Variants in HDAC9 observed in about 807,000 individuals in gnomAD.
HDAC9 encodes histone deacetylase 9.
A neutral mutation model predicts 139.4 loss-of-function variants in HDAC9; 41 were observed. The ratio of observed to expected loss-of-function variants is 0.29; its 90% CI spans 0.23 to 0.38. The LOEUF is 0.38. Among genes scored for constraint, HDAC9 ranks in the 10% least tolerant of loss-of-function variants. The pLI, the probability that HDAC9 is intolerant of heterozygous loss-of-function variation, is 1.00. For missense variants in HDAC9, 1,147 were observed against 1,297.0 expected (o/e 0.88, Z 1.78); for synonymous variants, 517 against 476.2 (o/e 1.09, Z -1.12).
chr7:18,106,216 A>C (rs1783192643), intron 1 of HDAC9, among the ~76,000 whole-genome samples: 1 of 152,202 alleles, frequency 6.6e-6, no homozygotes, highest in Non-Finnish European at 1.5e-5. Context: ...TAGGTATGTG[A>C]ATGATACCTC....
At chr7:18,914,111 G>A (rs570853456) in intron 22 of HDAC9, among the ~76,000 whole-genome samples, 1 of 151,900 alleles carries the variant, frequency 6.6e-6, no homozygotes, top group Admixed American at 6.6e-5. Context: ...AGGCCATCGA[G>A]AGCTGTCTTG....
chr7:18,091,955 C>G (rs948699289), intron 1 of HDAC9, among the ~76,000 whole-genome samples: 1 of 152,178 alleles, frequency 6.6e-6, no homozygotes, highest in Non-Finnish European at 1.5e-5. Context: ...GCAAGGAAGT[C>G]TCTCTTGCTC....
At chr7:18,642,241 C>T (rs555564902) in intron 8 of HDAC9, among the ~76,000 whole-genome samples, 2 of 148,694 alleles carry the variant, frequency 1.3e-5, no homozygotes, top group Non-Finnish European at 2.9e-5. Flanking sequence ...TTTATAAAGT[C>T]ACCGGAGCTT....
intron 6 of HDAC9, among the ~76,000 whole-genome samples, chr7:18,599,964 T>G (rs564793791): frequency 2.6e-5 from 3 of 114,096 alleles, no homozygotes; most frequent in East Asian, 5.2e-4. Context: ...GTTAGCACTT[T>G]GTATTTTAAG....
chr7:18,480,862 G>A (rs1290781830), intron 1 of HDAC9, among the ~76,000 whole-genome samples: 2 of 152,130 alleles, frequency 1.3e-5, no homozygotes, highest in East Asian at 3.9e-4. Context: ...TTGCCAACAG[G>A]AATCATTTGG....
intron 2 of HDAC9, among the ~76,000 whole-genome samples, chr7:18,580,680 T>G (rs1207425499): frequency 6.6e-6 from 1 of 152,200 alleles, no homozygotes; most frequent in African/African-American, 2.4e-5. Flanking sequence ...CCACCTGTTC[T>G]AAGTAATTTT....
chr7:18,606,675 A>G (rs371354525), intron 6 of HDAC9, among the ~76,000 whole-genome samples: 1 of 152,200 alleles, frequency 6.6e-6, no homozygotes, highest in Non-Finnish European at 1.5e-5. Flanking sequence ...TCTTTTCAAA[A>G]TAAGACTCAC....
chr7:18,639,257 T>G (rs1310364577), intron 8 of HDAC9, among the ~76,000 whole-genome samples: 1 of 152,074 alleles, frequency 6.6e-6, no homozygotes, highest in Non-Finnish European at 1.5e-5. Context: ...TATGCTCCCT[T>G]CTGAGTGGGT....
chr7:18,860,412 G>A (rs1406987481), intron 21 of HDAC9, among the ~76,000 whole-genome samples: 1 of 152,132 alleles, frequency 6.6e-6, no homozygotes, highest in Non-Finnish European at 1.5e-5. Flanking sequence ...GGTTGCTATA[G>A]AAATGAAAAT....
intron 1 of HDAC9, among the ~76,000 whole-genome samples, chr7:18,126,491 G>A (rs571152852): frequency 6.6e-6 from 1 of 152,214 alleles, no homozygotes; most frequent in Admixed American, 6.5e-5. Flanking sequence ...TAAGAGCTTT[G>A]TGCTTTGTAT....
At chr7:18,252,831 C>T (rs533432695) in intron 2 of HDAC9, among the ~76,000 whole-genome samples, 2 of 152,022 alleles carry the variant, frequency 1.3e-5, no homozygotes, top group Non-Finnish European at 2.9e-5. Context: ...TAGACTTGCA[C>T]CACGGGACTT....
intron 12 of HDAC9, among the ~76,000 whole-genome samples, chr7:18,690,438 T>C (rs916398030): frequency 2.0e-5 from 3 of 152,032 alleles, no homozygotes; most frequent in African/African-American, 7.2e-5. Context: ...AAAAGGTGTC[T>C]GTGAGCATAA....
At chr7:18,266,937 A>T (rs1414956637) in intron 2 of HDAC9, among the ~76,000 whole-genome samples, 1 of 145,430 alleles carries the variant, frequency 6.9e-6, no homozygotes, top group Non-Finnish European at 1.5e-5. Flanking sequence ...CATTAGGTAC[A>T]TAGGTTTTAA....
At chr7:18,856,614 A>G (rs1393978139) in intron 21 of HDAC9, among the ~76,000 whole-genome samples, 1 of 152,202 alleles carries the variant, frequency 6.6e-6, no homozygotes, top group East Asian at 1.9e-4. Context: ...TATTACAAAT[A>G]CATTACAAAT....
chr7:18,373,973 T>C (rs1004912773), intron 1 of HDAC9, among the ~76,000 whole-genome samples: 1 of 152,014 alleles, frequency 6.6e-6, no homozygotes, highest in Non-Finnish European at 1.5e-5. Context: ...TATTAATTTA[T>C]TGATACTGTA....
At chr7:18,943,821 G>C (rs1364193972) in intron 23 of HDAC9, among the ~76,000 whole-genome samples, 2 of 151,992 alleles carry the variant, frequency 1.3e-5, no homozygotes, top group Non-Finnish European at 2.9e-5. Context: ...CTATTGACCA[G>C]AGATATTTCT....
chr7:18,550,023 A>T (rs1200294365), intron 2 of HDAC9, among the ~76,000 whole-genome samples: 4 of 139,564 alleles, frequency 2.9e-5, no homozygotes, highest in Non-Finnish European at 4.7e-5. Context: ...GGCATTCTTT[A>T]TTTTTTTTTT....
At chr7:18,181,736 C>G (rs955697981) in intron 2 of HDAC9, among the ~76,000 whole-genome samples, 1 of 152,014 alleles carries the variant, frequency 6.6e-6, no homozygotes, top group African/African-American at 2.4e-5. Flanking sequence ...GTGCTTGGTT[C>G]TAGGTGGAGC....
At chr7:18,227,687 A>G (rs532064796) in intron 2 of HDAC9, among the ~76,000 whole-genome samples, 4 of 152,312 alleles carry the variant, frequency 2.6e-5, no homozygotes, top group South Asian at 2.1e-4. Context: ...TTCAGTATCA[A>G]CTAATAATGT....
Sources: allele counts gnomAD v4.1 joint callset (sites outside exome capture counted in the v4.1 genomes callset), GRCh38; gene constraint gnomAD v4.1.1; transcripts MANE v1.5; gene names NCBI Gene and HGNC (gene_info 2026-07-23, HGNC 2026-07-21).